LAMA2: variants seen among roughly 807,000 people sequenced by gnomAD.
LAMA2 encodes laminin subunit alpha 2.
A neutral mutation model predicts 364.8 loss-of-function variants in LAMA2; 269 were observed. The ratio of observed to expected loss-of-function variants is 0.74; its 90% CI spans 0.67 to 0.82. LAMA2 has a LOEUF of 0.82. LAMA2 is among the 40% of genes least tolerant of loss of function. The probability of loss-of-function intolerance (pLI) is 0.00; values close to 1 mark genes in which losing one functional copy is unlikely to be tolerated. For synonymous variants in LAMA2, 1,379 were observed against 1,370.6 expected (o/e 1.01, Z -0.14); for missense variants, 3,807 against 3,873.2 (o/e 0.98, Z 0.45).
chr6:129,486,707 C>G lies in LAMA2; in HGVS notation c.7898+85C>G, dbSNP rs137894251. The G allele has an allele frequency of 3.3e-4, 414 of 1,261,658 alleles. No homozygotes were observed. In the African/African-American group the frequency reaches 5.4e-3, roughly 16 times the overall value. The allele number at this position is 1,261,658 out of a possible 1,614,324, so 78.2% of individuals were successfully genotyped here. A position where few individuals can be genotyped will look rare whatever the true frequency, so the allele number is the denominator to read the frequency against. On this transcript the variant is annotated intron_variant, in intron 56 of 64. Coordinates refer to ENST00000421865, the MANE Select transcript of LAMA2 (RefSeq NM_000426.4). ...CGGTATCTATCAGTATCTGCCTGAA[C>G]CTCTGTGTGTGTGGACCTACTATGC...
At chr6:129,456,294 C>T in intron 47 of LAMA2, 41 bp from the exon 48 acceptor site, 1 of 1,580,924 alleles carries the variant, frequency 6.3e-7, no homozygotes, top group African/African-American at 1.3e-5. Context: ...ATTTCATTTT[C>T]TGTATGTTCC....
rs766257849 is a variant in LAMA2, at chr6:129,267,168, T to G, written c.2271T>G (p.Cys757Trp). Residue 757 changes from cysteine to tryptophan, a missense_variant, in exon 16 of 65, where the codon TGT becomes TGG. Coordinates refer to ENST00000421865, the MANE Select transcript of LAMA2 (RefSeq NM_000426.4). Reference protein sequence around the residue: ...GTIFGGICEPCQCFGHAESCD... With the variant: ...GTIFGGICEPWQCFGHAESCD... ...TTTTTGGTGGCATCTGTGAGCCATGTCAGTGCTTTGGTCATGCGGAGTCCT... is the reference window on the plus strand; with the variant it reads ...TTTTTGGTGGCATCTGTGAGCCATGGCAGTGCTTTGGTCATGCGGAGTCCT... The G allele has an allele frequency of 3.7e-6, 6 of 1,613,464 alleles. No homozygotes were observed. Among genetic ancestry groups the G allele is most frequent in the Non-Finnish European group, 5.1e-6 (6 of 1,179,510 alleles).
chr6:129,396,619 A>C (rs1779632740), intron 37 of LAMA2, among the ~76,000 whole-genome samples: 1 of 152,150 alleles, frequency 6.6e-6, no homozygotes, highest in South Asian at 2.1e-4. Flanking sequence ...GGGCTAAGGG[A>C]ACTGGGGACG....
chr6:129,080,971 T>G (rs6922401), intron 3 of LAMA2, among the ~76,000 whole-genome samples: 24,312 of 152,044 alleles, frequency 0.16, 2,302 homozygotes, highest in African/African-American at 0.27. Context: ...CTATTCACAA[T>G]AGCAAAGACT....
Position 129,486,560 on chromosome 6 carries a change from A to G in LAMA2, c.7836A>G (p.Arg2612=), listed in dbSNP as rs757241458. 17 of 1,613,856 alleles carry G rather than the reference A, an allele frequency of 1.1e-5. No individual in the cohort carries two copies. The highest frequency in any genetic ancestry group is 5.3e-5 in the African/African-American group (4 of 74,922). ...GARTMRKIVI[R]PEPNLFHDGR... ...GAACAATGAGGAAAATTGTGATCAG[A>G]CCAGAGCCGAATCTGTTTCATGATG... Residue 2612 remains arginine, a synonymous_variant, in exon 56 of 65, where the codon AGA becomes AGG. Coordinates refer to ENST00000421865, the MANE Select transcript of LAMA2 (RefSeq NM_000426.4).
chr6:129,294,216 C>T (rs780468587), intron 20 of LAMA2, among the ~76,000 whole-genome samples: 12 of 152,172 alleles, frequency 7.9e-5, no homozygotes, highest in East Asian at 1.9e-4. Context: ...GCAAATTTTA[C>T]CCACTAAAGG....
chr6:129,506,632 A>T (rs1786101471), intron 61 of LAMA2, among the ~76,000 whole-genome samples: 1 of 152,156 alleles, frequency 6.6e-6, no homozygotes, highest in Non-Finnish European at 1.5e-5. Context: ...CTCTGAGAGA[A>T]GCACGGGGGA....
chr6:129,169,087 T>C (rs1279123425), intron 9 of LAMA2, among the ~76,000 whole-genome samples: 2 of 152,126 alleles, frequency 1.3e-5, no homozygotes, highest in African/African-American at 4.8e-5. Flanking sequence ...TTTCTAGATA[T>C]ACAATCATGT....
intron 48 of LAMA2, among the ~76,000 whole-genome samples, chr6:129,456,957 T>C (rs1199258944): frequency 6.6e-6 from 1 of 152,214 alleles, no homozygotes; most frequent in Non-Finnish European, 1.5e-5. Flanking sequence ...GTTGCTCTTA[T>C]TCTTATAGGA....
intron 59 of LAMA2, 21 bp downstream of exon 59, chr6:129,502,792 C>G (rs1785751589): frequency 6.9e-7 from 1 of 1,450,686 alleles, no homozygotes; most frequent in Non-Finnish European, 9.7e-7. Flanking sequence ...TCCTGAGACA[C>G]TGGGAAAGAA....
At chr6:129,267,044 C>T (rs777072204) in intron 15 of LAMA2, 62 bp from the exon 16 acceptor site, 40 of 1,062,516 alleles carry the variant, frequency 3.8e-5, no homozygotes, top group Non-Finnish European at 5.0e-5. Context: ...CAAACACAAA[C>T]AAACAAAAAC....
chr6:129,158,682 A>G (rs919037429), intron 8 of LAMA2: 1 of 1,614,180 alleles, frequency 6.2e-7, no homozygotes, highest in African/African-American at 1.3e-5. Context: ...GCTGCCATCA[A>G]AAAACGGACC....
At chr6:129,106,311 A>T (rs1775821265) in intron 4 of LAMA2, among the ~76,000 whole-genome samples, 1 of 152,198 alleles carries the variant, frequency 6.6e-6, no homozygotes, top group Admixed American at 6.6e-5. Flanking sequence ...GAAGGAAGAC[A>T]CAAACCCAAG....
chr6:129,054,069 A>C (rs1322339528), intron 2 of LAMA2, among the ~76,000 whole-genome samples: 2 of 152,188 alleles, frequency 1.3e-5, no homozygotes, highest in Non-Finnish European at 2.9e-5. Context: ...AGAAAGAATG[A>C]ATAGCAGCAG....
intron 13 of LAMA2, among the ~76,000 whole-genome samples, chr6:129,251,076 C>CTCTATATA (rs1491468271): frequency 6.4e-4 from 32 of 49,806 alleles, no homozygotes; most frequent in South Asian, 8.6e-4. Flanking sequence ...CTCTCTCTCT[C>CTCTATATA]TATATATATA....
rs531227108 is a variant in LAMA2 at position 129,181,333 on chromosome 6, G to T, written c.1467+3467G>T. 5.4e-5 allele frequency among the ~76,000 whole-genome samples: 7 copies of T among 130,346 alleles called. No homozygotes were observed. The East Asian group carries it at 1.4e-3, about 26-fold the overall frequency. The allele number at this position is 130,346 out of a possible 152,430, so 85.5% of individuals were successfully genotyped here. A position where few individuals can be genotyped will look rare whatever the true frequency, so the allele number is the denominator to read the frequency against. On this transcript the variant is annotated intron_variant, in intron 10 of 64. Transcript: ENST00000421865. ...TGTACACAAAGAACTAGAAAGGGTA[G>T]TCTGAAATAAATTTGTATTCATAAA...
intron 22 of LAMA2, among the ~76,000 whole-genome samples, chr6:129,307,894 C>T (rs947488023): frequency 9.9e-5 from 15 of 152,266 alleles, no homozygotes; most frequent in East Asian, 3.9e-4. Context: ...AATATTGGAA[C>T]GTGATGACCA....
intron 35 of LAMA2, among the ~76,000 whole-genome samples, chr6:129,384,123 A>C (rs1213436344): frequency 6.6e-6 from 1 of 152,238 alleles, no homozygotes; most frequent in Non-Finnish European, 1.5e-5. Context: ...AAGAAGCAAC[A>C]GGGTTTTAAT....
At chr6:129,401,157 T>C in intron 37 of LAMA2, 67 bp from the exon 38 acceptor site, 1 of 979,408 alleles carries the variant, frequency 1.0e-6, no homozygotes, top group Non-Finnish European at 1.7e-6. Context: ...CTCAGGAAAG[T>C]CAGGAATACA....
Sources: gnomAD v4.1 joint callset for allele counts (sites outside exome capture counted in the v4.1 genomes callset) on GRCh38, gnomAD v4.1.1 for gene constraint, MANE v1.5 for transcripts, NCBI Gene and HGNC (gene_info 2026-07-23, HGNC 2026-07-21) for gene names.